Variants in SET observed in about 807,000 individuals in gnomAD.
SET encodes protein SET.
In SET, 4 loss-of-function variants were observed where a neutral mutation model predicts 39.0. The ratio of observed to expected loss-of-function variants is 0.10; its 90% CI spans 0.05 to 0.23. SET has a LOEUF of 0.23. Ranked by LOEUF, SET falls within the 10% of genes least tolerant of loss-of-function variation. The pLI is 1.00. For synonymous variants in SET, 114 were observed against 115.9 expected (o/e 0.98, Z 0.11); for missense variants, 137 against 329.7 (o/e 0.42, Z 4.53).
At chr9:128,685,049 G>A, upstream of SET, 1 of 1,500,538 alleles carries the variant, frequency 6.7e-7, no homozygotes, top group Non-Finnish European at 8.9e-7. Flanking sequence ...GAAACGGGAA[G>A]CTTTGATTGG....
At chr9:128,691,461 A>T (rs1861533209) in intron 2 of SET, among the ~76,000 whole-genome samples, 1 of 152,220 alleles carries the variant, frequency 6.6e-6, no homozygotes, top group Non-Finnish European at 1.5e-5. Flanking sequence ...AAATTGTCTG[A>T]ATTGCAGTGT....
At chr9:128,686,152 A>G (rs1330628942), upstream of SET, among the ~76,000 whole-genome samples, 6 of 152,184 alleles carry the variant, frequency 3.9e-5, no homozygotes, top group Non-Finnish European at 7.3e-5. Context: ...GGGAGAGAGC[A>G]GAGTCCTAAG....
intron 7 of SET, 67 bp from the exon 8 acceptor site, chr9:128,694,574 T>G: frequency 3.6e-6 from 4 of 1,105,022 alleles, no homozygotes; most frequent in African/African-American, 1.6e-5. Context: ...GTGGGGTCCA[T>G]TGTGGTCCAT....
Position 128,695,748 on chromosome 9 carries a change from G to A in SET, c.*1084G>A, listed in dbSNP as rs1308453800. On this transcript the variant is annotated 3_prime_UTR_variant, in exon 8 of 8. Coordinates refer to ENST00000322030, the MANE Select transcript of SET (RefSeq NM_003011.4). ...GAAACGTGGGTTCAATTTGCCATTG[G>A]TTTCTGAAAGTATTCACATCATTTG... is the stretch of plus-strand genomic sequence containing the variant. 8.8e-6 allele frequency: 2 copies of A among 227,360 alleles called. No individual in the cohort carries two copies. The highest frequency in any genetic ancestry group is 1.8e-5 in the Non-Finnish European group (2 of 113,678). The allele number at this position is 227,360 out of a possible 1,614,324, so 14.1% of individuals were successfully genotyped here. A position where few individuals can be genotyped will look rare whatever the true frequency, so the allele number is the denominator to read the frequency against.
At position 128,689,376 on chromosome 9, in the gene SET, G is replaced by A. The variant is rs1344977809; in HGVS notation, c.-207G>A. On this transcript the variant is annotated 5_prime_UTR_variant, in exon 1 of 8. Coordinates refer to ENST00000322030, the MANE Select transcript of SET (RefSeq NM_003011.4). Reference sequence around the variant, plus strand: ...AGGAGCCCGGGCCGGGGCCCGGCACGCCGCCCCAGCCCGTCCCTCGGCGTC... The same window carrying A: ...AGGAGCCCGGGCCGGGGCCCGGCACACCGCCCCAGCCCGTCCCTCGGCGTC... The A allele has an allele frequency of 5.1e-6, 5 of 973,454 alleles. No individual in the cohort carries two copies. In the African/African-American group the frequency reaches 5.3e-5, roughly 10 times the overall value. 60.3% of individuals were successfully genotyped at this position (973,454 alleles called of 1,614,324 possible).
At chr9:128,686,652 A>G (rs2132237060), upstream of SET, among the ~76,000 whole-genome samples, 1 of 152,292 alleles carries the variant, frequency 6.6e-6, no homozygotes, top group Non-Finnish European at 1.5e-5. Flanking sequence ...CATGATGTCA[A>G]AAGTACTTCT....
At position 128,693,826 on chromosome 9, in the gene SET, T is replaced by A; in HGVS notation, c.663+18T>A. 1 of 1,610,588 alleles carries A rather than the reference T, an allele frequency of 6.2e-7. No individual in the cohort carries two copies. Among genetic ancestry groups the A allele is most frequent in the Non-Finnish European group, 8.5e-7 (1 of 1,178,858 alleles). ...ACTACTTGGTGAGTTCTAATACTCA[T>A]TTATTCAAGGTTGGACTTGTCTCGG... On this transcript the variant is annotated intron_variant, in intron 6 of 7. Coordinates refer to ENST00000322030, the MANE Select transcript of SET (RefSeq NM_003011.4).
At position 128,694,692 on chromosome 9, in the gene SET, C is replaced by CT. The variant is rs780995494; in HGVS notation, c.*35dup. On this transcript the variant is annotated 3_prime_UTR_variant, in exon 8 of 8. Transcript: ENST00000322030. The stretch of plus-strand genomic sequence containing the variant: ...AGAACACTGATGGATTCCAACCTTC[C>CT]TTTTTTTAAATTTTCTCCAGTCCCT... 1.4e-5 allele frequency: 19 copies of CT among 1,393,602 alleles called. No individual in the cohort carries two copies. Among genetic ancestry groups the CT allele is most frequent in the Non-Finnish European group, 1.6e-5 (16 of 1,024,528 alleles). 86.3% of individuals were successfully genotyped at this position (1,393,602 alleles called of 1,614,324 possible).
Position 128,693,747 on chromosome 9 carries a change from C to G in SET, c.602C>G (p.Ala201Gly). Residue 201 changes from alanine (A) to glycine (G), a missense_variant, in exon 6 of 8, where the codon GCT (alanine) becomes GGT (glycine). Physicochemically the swap from Ala to Gly is moderately conservative, Grantham distance 60. Transcript: ENST00000322030. ...TTTACTGACCATTCTGATGCAGGTG[C>G]TGATGAGTTAGGAGAGGTCATCAAA... is the stretch of plus-strand genomic sequence containing the variant. ...TWFTDHSDAG[A>G]DELGEVIKDD... is the part of the protein sequence containing the mutation. 6.2e-7 allele frequency: 1 copy of G among 1,613,718 alleles called. No homozygotes were observed. Among genetic ancestry groups the G allele is most frequent in the Non-Finnish European group, 8.5e-7 (1 of 1,180,022 alleles).
upstream of SET, among the ~76,000 whole-genome samples, chr9:128,687,231 C>A (rs771655125): frequency 1.9e-4 from 29 of 151,828 alleles, no homozygotes; most frequent in Non-Finnish European, 4.0e-4. Context: ...TGGTAGTGGG[C>A]GCCTGTAATC....
In SET at chr9:128,695,553, C is replaced by T; in HGVS notation, c.*889C>T. On this transcript the variant is annotated 3_prime_UTR_variant, in exon 8 of 8. Coordinates refer to ENST00000322030, the MANE Select transcript of SET (RefSeq NM_003011.4). ...CACAAAGGATTTGATGCTTTTCTCT[C>T]AGCATAGGTATGCTTACTATGACCT... 4.5e-6 allele frequency: 1 copy of T among 224,060 alleles called. No homozygotes were observed. The allele number at this position is 224,060 out of a possible 1,614,324, so 13.9% of individuals were successfully genotyped here. A position where few individuals can be genotyped will look rare whatever the true frequency, so the allele number is the denominator to read the frequency against.
intron 3 of SET, 42 bp from the exon 4 acceptor site, chr9:128,692,620 T>A (rs369481366): frequency 1.6e-6 from 2 of 1,274,146 alleles, no homozygotes; most frequent in African/African-American, 2.9e-5. Context: ...TGTTAGTGTG[T>A]GCCTGTTGAA....
chr9:128,689,276 G>A lies in SET; in HGVS notation c.-307G>A, dbSNP rs932021309. 5.9e-6 allele frequency: 6 copies of A among 1,011,682 alleles called. No homozygotes were observed. The highest frequency in any genetic ancestry group is 8.0e-5 in the East Asian group (1 of 12,562). 62.7% of individuals were successfully genotyped at this position (1,011,682 alleles called of 1,614,324 possible). A position where few individuals can be genotyped will look rare whatever the true frequency, so the allele number is the denominator to read the frequency against. On this transcript the variant is annotated 5_prime_UTR_variant, in exon 1 of 8. Transcript: ENST00000322030. ...GGCGGCTCGGGAGAGCGAGCAGCGA[G>A]CTGGCTGGATCGCCGAGCGCGAGTG...
chr9:128,689,738 G>GGC (rs1861435087), intron 1 of SET, 83 bp downstream of exon 1: 2 of 205,036 alleles, frequency 9.8e-6, no homozygotes, highest in South Asian at 1.7e-4. Context: ...CGGGGCCCGG[G>GGC]GCGCGCGCGG....
At chr9:128,690,109 C>G (rs1231633176) in intron 1 of SET, 4 of 309,598 alleles carry the variant, frequency 1.3e-5, no homozygotes, top group African/African-American at 9.1e-5. Context: ...CCGGCACCCC[C>G]GCCCAGAGGC....
At position 128,694,564 on chromosome 9, in the gene SET, G is replaced by A. The variant is rs894011191; in HGVS notation, c.811-77G>A. 7 of 958,134 alleles carry A rather than the reference G, an allele frequency of 7.3e-6. 1 individual carries two copies. The highest frequency in any genetic ancestry group is 5.4e-5 in the East Asian group (2 of 37,324). The allele number at this position is 958,134 out of a possible 1,614,324, so 59.4% of individuals were successfully genotyped here. A position where few individuals can be genotyped will look rare whatever the true frequency, so the allele number is the denominator to read the frequency against. ...AACTGGAGTGCCCCCAGGGGCACTC[G>A]TGGGGTCCATTGTGGTCCATATGAA... On this transcript the variant is annotated intron_variant, in intron 7 of 7. Transcript: ENST00000322030.
chr9:128,684,816 A>G (rs1861232458), upstream of SET, among the ~76,000 whole-genome samples: 1 of 152,250 alleles, frequency 6.6e-6, no homozygotes, highest in East Asian at 1.9e-4. Context: ...GGGAGTTAGG[A>G]GTCCCAGAGT....
In SET at chr9:128,695,621, C is replaced by T. The variant is rs1374458926; in HGVS notation, c.*957C>T. On this transcript the variant is annotated 3_prime_UTR_variant, in exon 8 of 8. Coordinates refer to ENST00000322030, the MANE Select transcript of SET (RefSeq NM_003011.4). ...TAACATCACTGTCAAACTTTGTCAC[C>T]CTAACTTCGTATTTTTTGATACGCA... 1.8e-5 allele frequency: 4 copies of T among 224,978 alleles called. No homozygotes were observed. Among genetic ancestry groups the T allele is most frequent in the Non-Finnish European group, 2.7e-5 (3 of 112,016 alleles). 13.9% of individuals were successfully genotyped at this position (224,978 alleles called of 1,614,324 possible).
intron 1 of SET, chr9:128,690,026 G>T: frequency 9.6e-7 from 1 of 1,038,194 alleles, no homozygotes; most frequent in Non-Finnish European, 1.2e-6. Flanking sequence ...GCCGCCACAT[G>T]GTGCGGCCGG....
Sources: gnomAD v4.1 joint callset for allele counts (sites outside exome capture counted in the v4.1 genomes callset) on GRCh38, gnomAD v4.1.1 for gene constraint, MANE v1.5 for transcripts, NCBI Gene and HGNC (gene_info 2026-07-23, HGNC 2026-07-21) for gene names.